Variants in ADK observed in about 807,000 individuals in gnomAD.
ADK encodes the protein N6,N6-dimethyladenosine kinase.
Under a neutral mutation model 44.7 loss-of-function variants are expected in ADK, and 24 were observed. That is an observed-to-expected ratio of 0.54 (90% CI 0.39 to 0.76). ADK has a LOEUF of 0.76. Among genes scored for constraint, ADK ranks in the 30% least tolerant of loss-of-function variants. ADK has a pLI of 0.00. For missense variants in ADK, 321 were observed against 425.1 expected, an observed-to-expected ratio of 0.76 and a Z score of 2.15; for synonymous variants, 128 against 142.6, an observed-to-expected ratio of 0.90 and a Z score of 0.73.
At chr10:74,165,667 C>T (rs1842016389) in intron 1 of ADK, among the ~76,000 whole-genome samples, 2 of 151,310 alleles carry the variant, frequency 1.3e-5, no homozygotes, top group Non-Finnish European at 1.5e-5. Flanking sequence ...GGACCTCTGA[C>T]TCATGTGTCT....
At chr10:74,528,342 T>C (rs1183010854) in intron 7 of ADK, 1 of 176,328 alleles carries the variant, frequency 5.7e-6, no homozygotes, top group African/African-American at 2.4e-5. Context: ...AAAAAGAAGG[T>C]GGAAAATGTA....
intron 1 of ADK, among the ~76,000 whole-genome samples, chr10:74,195,707 C>CTTTTTTTTTTTTTTTTTTTTTTTTTTT (rs71475265): frequency 5.1e-5 from 5 of 97,526 alleles, no homozygotes; most frequent in Admixed American, 1.2e-4. Flanking sequence ...TCTTTTCTTT[C>CTTTTTTTTTTTTTTTTTTTTTTTTTTT]TTTTTTTTTT....
chr10:74,461,128 TAAG>T (rs1846159176), intron 6 of ADK, among the ~76,000 whole-genome samples: 2 of 151,096 alleles, frequency 1.3e-5, no homozygotes, highest in African/African-American at 4.9e-5. Context: ...ACTATAAACT[TAAG>T]AAACCGGAAA....
At chr10:74,303,339 T>C (rs932579398) in intron 3 of ADK, among the ~76,000 whole-genome samples, 3 of 152,148 alleles carry the variant, frequency 2.0e-5, no homozygotes, top group Non-Finnish European at 2.9e-5. Context: ...TGGATTATAG[T>C]TCCCCCATTT....
chr10:74,241,840 C>T (rs114690565), intron 3 of ADK, among the ~76,000 whole-genome samples: 1,943 of 152,328 alleles, frequency 0.013, 49 homozygotes, highest in African/African-American at 0.044. Flanking sequence ...GTAGTTGGGA[C>T]TATAGCTTGT....
At chr10:74,170,965 T>G (rs1265667088) in intron 1 of ADK, among the ~76,000 whole-genome samples, 1 of 152,128 alleles carries the variant, frequency 6.6e-6, no homozygotes, top group Non-Finnish European at 1.5e-5. Flanking sequence ...GGTGTATTTC[T>G]TTCCAATCAT....
chr10:74,597,397 C>G (rs1359054797), intron 8 of ADK, among the ~76,000 whole-genome samples: 1 of 152,134 alleles, frequency 6.6e-6, no homozygotes, highest in Non-Finnish European at 1.5e-5. Context: ...ACTACAATAA[C>G]TGAACTATAT....
At chr10:74,568,599 A>T (rs1850787567) in intron 7 of ADK, among the ~76,000 whole-genome samples, 1 of 151,942 alleles carries the variant, frequency 6.6e-6, no homozygotes, top group East Asian at 1.9e-4. Context: ...TAGACAGAGC[A>T]GCCCTGAGGA....
chr10:74,196,372 T>C (rs1200912875), intron 1 of ADK, among the ~76,000 whole-genome samples: 1 of 151,944 alleles, frequency 6.6e-6, no homozygotes, highest in Non-Finnish European at 1.5e-5. Context: ...AAACCCCATC[T>C]CTACTAAAAA....
intron 6 of ADK, among the ~76,000 whole-genome samples, chr10:74,438,001 C>T (rs1046523835): frequency 2.6e-5 from 4 of 152,186 alleles, no homozygotes; most frequent in African/African-American, 9.7e-5. Flanking sequence ...TAACCTTCAA[C>T]ATTCAACTCA....
intron 10 of ADK, among the ~76,000 whole-genome samples, chr10:74,688,567 A>C (rs1048469259): frequency 1.1e-4 from 17 of 152,198 alleles, no homozygotes; most frequent in Non-Finnish European, 1.9e-4. Flanking sequence ...GGTTAGAATA[A>C]GTCAGGAAAC....
intron 7 of ADK, 37 bp downstream of exon 7, chr10:74,525,463 T>A (rs1444345484): frequency 6.4e-7 from 1 of 1,561,272 alleles, no homozygotes; most frequent in South Asian, 1.1e-5. Context: ...AACCTGGGGG[T>A]TTTTTGTTTG....
At position 74,274,170 on chromosome 10, in the gene ADK, C is replaced by T. The variant is rs75259571; in HGVS notation, c.195-40497C>T. On this transcript the variant is annotated intron_variant, in intron 3 of 10. Transcript: ENST00000539909. ...TTAACTATTAATAATCTACTGTGTA[C>T]CAGAAGTCCTACCAGTAACATAGTC... is the stretch of plus-strand genomic sequence containing the variant. 3.4e-4 allele frequency among the ~76,000 whole-genome samples: 52 copies of T among 152,188 alleles called. No homozygotes were observed. The East Asian group carries it at 5.6e-3, about 16-fold the overall frequency.
intron 9 of ADK, among the ~76,000 whole-genome samples, chr10:74,624,985 G>A (rs2134040321): frequency 6.6e-6 from 1 of 152,042 alleles, no homozygotes; most frequent in Middle Eastern, 3.4e-3. Flanking sequence ...AAGTTGGAGA[G>A]GCAAGATACT....
intron 9 of ADK, among the ~76,000 whole-genome samples, chr10:74,632,634 A>G (rs1236206843): frequency 6.6e-6 from 1 of 152,098 alleles, no homozygotes; most frequent in Non-Finnish European, 1.5e-5. Context: ...TAAAGACACC[A>G]ATAATTGGAT....
chr10:74,596,794 GCCTCCGC>G (rs1851942090), intron 8 of ADK, among the ~76,000 whole-genome samples: 1 of 152,074 alleles, frequency 6.6e-6, no homozygotes, highest in South Asian at 2.1e-4. Flanking sequence ...CGATTCACCC[GCCTCCGC>G]CTCCCAGTGT....
chr10:74,573,803 T>C (rs1269436520), intron 7 of ADK, among the ~76,000 whole-genome samples: 1 of 152,316 alleles, frequency 6.6e-6, no homozygotes, highest in Non-Finnish European at 1.5e-5. Flanking sequence ...CGTAGGACCC[T>C]CCGAGCCAGG....
chr10:74,193,391 C>A (rs1386967232), intron 1 of ADK, among the ~76,000 whole-genome samples: 1 of 151,872 alleles, frequency 6.6e-6, no homozygotes, highest in South Asian at 2.1e-4. Flanking sequence ...CTAATGCTAT[C>A]CCTCCCTCCT....
At chr10:74,151,517 C>G (rs1306442679) in intron 1 of ADK, among the ~76,000 whole-genome samples, 174 bp downstream of exon 1, 3 of 152,216 alleles carry the variant, frequency 2.0e-5, no homozygotes, top group Non-Finnish European at 4.4e-5. Flanking sequence ...GACGTTCTCT[C>G]CGTTTGGCTG....
Sources: allele counts gnomAD v4.1 joint callset (sites outside exome capture counted in the v4.1 genomes callset), GRCh38; gene constraint gnomAD v4.1.1; transcripts MANE v1.5; gene names NCBI Gene and HGNC (gene_info 2026-07-23, HGNC 2026-07-21).